Variants in IKZF2 observed in about 807,000 individuals in gnomAD.
IKZF2 encodes the protein IKAROS family zinc finger 2.
A neutral mutation model predicts 49.2 loss-of-function variants in IKZF2; 15 were observed. The ratio of observed to expected loss-of-function variants is 0.30; its 90% confidence interval spans 0.20 to 0.47. IKZF2 has a LOEUF of 0.47. IKZF2 is among the 20% of genes least tolerant of loss of function. IKZF2 has a pLI of 1.00. For synonymous variants in IKZF2, 227 were observed against 221.4 expected (o/e 1.03, Z -0.23); for missense variants, 567 against 664.6 (o/e 0.85, Z 1.61).
chr2:213,024,955 T>G (rs1697659829), intron 6 of IKZF2, among the ~76,000 whole-genome samples: 1 of 152,084 alleles, frequency 6.6e-6, no homozygotes, highest in African/African-American at 2.4e-5. Context: ...GGACCAATAT[T>G]TCACTACCTT....
chr2:213,038,013 TAA>T (rs3069569), intron 6 of IKZF2, among the ~76,000 whole-genome samples: 144,688 of 148,222 alleles, frequency 0.98, 70,640 homozygotes, highest in South Asian at 1. Flanking sequence ...TTTCTATCCT[TAA>T]AAAAAAAAAA....
intron 4 of IKZF2, among the ~76,000 whole-genome samples, chr2:213,118,958 T>C (rs2059962971): frequency 6.6e-6 from 1 of 152,226 alleles, no homozygotes; most frequent in African/African-American, 2.4e-5. Context: ...TATGCCACTA[T>C]AAAACAACAG....
At chr2:213,063,029 T>C (rs968480432) in intron 4 of IKZF2, among the ~76,000 whole-genome samples, 6 of 152,030 alleles carry the variant, frequency 3.9e-5, no homozygotes, top group African/African-American at 1.4e-4. Flanking sequence ...CAAAATTTCA[T>C]GCAATGTATT....
intron 4 of IKZF2, among the ~76,000 whole-genome samples, chr2:213,139,425 A>G (rs1157393482): frequency 6.6e-6 from 1 of 151,920 alleles, no homozygotes; most frequent in Non-Finnish European, 1.5e-5. Flanking sequence ...GAATTATATA[A>G]CTAACTCCCT....
chr2:213,033,737 A>T (rs1172487216), intron 6 of IKZF2, among the ~76,000 whole-genome samples: 1 of 152,232 alleles, frequency 6.6e-6, no homozygotes, highest in Non-Finnish European at 1.5e-5. Context: ...TATAGAGCAC[A>T]GGCAGAGTAG....
chr2:213,004,795 C>T lies in IKZF2; in HGVS notation c.*2565G>A, dbSNP rs995306800. 1.1e-4 allele frequency: 17 copies of T among 152,286 alleles called. No homozygotes were observed. Among genetic ancestry groups the T allele is most frequent in the Admixed American group, 2.0e-4 (3 of 15,196 alleles). The allele number at this position is 152,286 out of a possible 1,614,324, so 9.4% of individuals were successfully genotyped here. ...TGAGCCATATCCACCTCTTTCTGTT[C>T]CTCATGAAGCTAGGAAGATACAAGT... On this transcript the variant is annotated 3_prime_UTR_variant, in exon 9 of 9. Transcript: ENST00000434687.
chr2:213,008,000 G>A lies in IKZF2; in HGVS notation c.941C>T (p.Ser314Phe), dbSNP rs760899595. The A allele has an allele frequency of 2.5e-6, 4 of 1,613,172 alleles. No individual in the cohort carries two copies. The African/African-American group carries it at 4.0e-5, about 16-fold the overall frequency. ...TYEKEAELMQ[S>F]HMMDQAINNA... is the part of the protein sequence containing the mutation. The stretch of plus-strand genomic sequence containing the variant: ...GTTGATGGCTTGGTCCATCATATGA[G>A]ACTGCATCAGCTCAGCCTCCTTCTC... The change falls in exon 9 of 9, where the codon TCT (serine) becomes TTT (phenylalanine). Residue 314 changes from serine to phenylalanine, a missense_variant. Coordinates refer to ENST00000434687, the MANE Select transcript of IKZF2 (RefSeq NM_001387220.1).
chr2:213,088,329 C>A (rs995979928), intron 4 of IKZF2, among the ~76,000 whole-genome samples: 2 of 152,110 alleles, frequency 1.3e-5, no homozygotes, highest in African/African-American at 4.8e-5. Flanking sequence ...TGTTCATATC[C>A]TTTGCCCACT....
At chr2:213,146,839 T>G (rs2061091218) in intron 4 of IKZF2, among the ~76,000 whole-genome samples, 1 of 151,738 alleles carries the variant, frequency 6.6e-6, no homozygotes, top group South Asian at 2.1e-4. Context: ...TATATTTACA[T>G]GTAAGTCCAA....
intron 7 of IKZF2, among the ~76,000 whole-genome samples, chr2:213,016,349 G>A (rs1696599009): frequency 6.6e-6 from 1 of 152,052 alleles, no homozygotes; most frequent in Non-Finnish European, 1.5e-5. Context: ...TCCAGAGCCT[G>A]GCTCAACCAT....
chr2:213,142,468 C>T (rs2060909188), intron 4 of IKZF2, among the ~76,000 whole-genome samples: 1 of 151,962 alleles, frequency 6.6e-6, no homozygotes, highest in Non-Finnish European at 1.5e-5. Flanking sequence ...AAAAAAGTAA[C>T]TTGACTGCTC....
Position 213,007,405 on chromosome 2 carries a change from A to G in IKZF2, c.1536T>C (p.Tyr512=), listed in dbSNP as rs919839262. 8 of 1,613,402 alleles carry G rather than the reference A, an allele frequency of 5.0e-6. No individual in the cohort carries two copies. Among genetic ancestry groups the G allele is most frequent in the Admixed American group, 1.7e-5 (1 of 59,946 alleles). The change falls in exon 9 of 9, where the codon TAT becomes TAC. Residue 512 remains tyrosine, a synonymous_variant. Transcript: ENST00000434687. ...CTCGAACAATGTGTGATGAAAACTC[A>G]TAACGGTCCTGGCTTCTGTAGCCAC... is the stretch of plus-strand genomic sequence containing the variant. ...NICGYRSQDR[Y]EFSSHIVRGE...
chr2:213,149,408 A>T (rs1036452992), intron 2 of IKZF2, among the ~76,000 whole-genome samples: 3 of 152,204 alleles, frequency 2.0e-5, no homozygotes, highest in Non-Finnish European at 2.9e-5. Flanking sequence ...ACAACAGAAC[A>T]TAATTCTCAG....
intron 4 of IKZF2, among the ~76,000 whole-genome samples, chr2:213,079,633 C>G (rs1574759928): frequency 6.6e-6 from 1 of 151,948 alleles, no homozygotes; most frequent in East Asian, 1.9e-4. Context: ...TGTATACTAC[C>G]AAGAGAGAAA....
chr2:213,016,380 A>C (rs1024982107), intron 7 of IKZF2, among the ~76,000 whole-genome samples: 3 of 152,108 alleles, frequency 2.0e-5, no homozygotes, highest in African/African-American at 7.2e-5. Flanking sequence ...TACTCTTTGT[A>C]GAGGTATTTT....
chr2:213,087,594 G>A (rs1038184730), intron 4 of IKZF2, among the ~76,000 whole-genome samples: 1 of 151,928 alleles, frequency 6.6e-6, no homozygotes, highest in Admixed American at 6.6e-5. Context: ...TGCTGCACCC[G>A]TTAACTCATC....
chr2:213,092,239 G>A (rs1475356271), intron 4 of IKZF2, among the ~76,000 whole-genome samples: 1 of 152,044 alleles, frequency 6.6e-6, no homozygotes, highest in African/African-American at 2.4e-5. Flanking sequence ...ATGTTGCCCA[G>A]ACTAGTTTTG....
intron 4 of IKZF2, among the ~76,000 whole-genome samples, chr2:213,071,831 T>C (rs544051460): frequency 1.3e-5 from 2 of 152,204 alleles, no homozygotes; most frequent in East Asian, 3.9e-4. Flanking sequence ...ACGACAAATA[T>C]AAACAAAATT....
intron 4 of IKZF2, among the ~76,000 whole-genome samples, chr2:213,105,377 G>C (rs910665710): frequency 7.2e-5 from 11 of 151,970 alleles, no homozygotes; most frequent in South Asian, 2.1e-4. Context: ...AAATACACCA[G>C]AGGTTTTGGG....
Sources: allele counts gnomAD v4.1 joint callset (sites outside exome capture counted in the v4.1 genomes callset), GRCh38; gene constraint gnomAD v4.1.1; transcripts MANE v1.5; gene names NCBI Gene and HGNC (gene_info 2026-07-23, HGNC 2026-07-21).